Variants in MMS19 observed in about 807,000 individuals in gnomAD.
MMS19 encodes the protein MMS19 nucleotide excision repair protein homolog.
Under a neutral mutation model 129.8 loss-of-function variants are expected in MMS19, and 77 were observed. The ratio of observed to expected loss-of-function variants is 0.59; its 90% confidence interval spans 0.49 to 0.72. The LOEUF is 0.72. MMS19 is among the 30% of genes least tolerant of loss of function. The pLI is 0.00. For synonymous variants in MMS19, 491 were observed against 502.8 expected (o/e 0.98, Z 0.31); for missense variants, 1,168 against 1,266.3 (o/e 0.92, Z 1.18).
At chr10:97,464,172 G>T (rs771875945) in intron 18 of MMS19, among the ~76,000 whole-genome samples, 159 bp from the exon 19 acceptor site, 1 of 152,206 alleles carries the variant, frequency 6.6e-6, no homozygotes, top group Non-Finnish European at 1.5e-5. Flanking sequence ...TGTTCTTTCT[G>T]ATCTATTCAG....
chr10:97,484,227 T>C, intron 1 of MMS19, 76 bp from the exon 2 acceptor site: 13 of 1,028,584 alleles, frequency 1.3e-5, no homozygotes, highest in Non-Finnish European at 1.8e-5. Context: ...CTAATTATAA[T>C]GTTTCCTGCC....
At chr10:97,474,649 G>A (rs897994833) in intron 8 of MMS19, among the ~76,000 whole-genome samples, 1 of 152,186 alleles carries the variant, frequency 6.6e-6, no homozygotes, top group African/African-American at 2.4e-5. Context: ...AAAGCCAAGT[G>A]TCTCTGTTTT....
intron 5 of MMS19, 94 bp from the exon 6 acceptor site, chr10:97,477,510 T>C: frequency 6.6e-7 from 1 of 1,518,700 alleles, no homozygotes; most frequent in South Asian, 1.1e-5. Flanking sequence ...AAGTGAACAG[T>C]GCTCTTTATA....
At chr10:97,463,583 A>C (rs1466603190) in intron 19 of MMS19, among the ~76,000 whole-genome samples, 1 of 152,252 alleles carries the variant, frequency 6.6e-6, no homozygotes, top group Admixed American at 6.5e-5. Context: ...GCTTGACTCC[A>C]GAGTCCAATT....
chr10:97,459,274 C>T lies in MMS19; in HGVS notation c.2913G>A (p.Arg971=), dbSNP rs1009914668. 1.9e-6 allele frequency: 3 copies of T among 1,613,144 alleles called. No homozygotes were observed. In the African/African-American group the frequency reaches 4.0e-5, roughly 22 times the overall value. The change falls in exon 29 of 31, where the codon CGG becomes CGA. Residue 971 remains arginine, a synonymous_variant. Coordinates refer to ENST00000438925, the MANE Select transcript of MMS19 (RefSeq NM_022362.5). ...NLSSSPSMAV[R]IAALQCMHAL... ...CATGCATGCACTGCAGTGCGGCGATCCGGACAGCCTGGAACACAACCACAA... is the reference window on the plus strand; with the variant it reads ...CATGCATGCACTGCAGTGCGGCGATTCGGACAGCCTGGAACACAACCACAA...
At position 97,459,400 on chromosome 10, in the gene MMS19, C is replaced by T. The variant is rs1216937156; in HGVS notation, c.2866G>A (p.Val956Ile). Residue 956 changes from valine to isoleucine, a missense_variant, in exon 28 of 31, where the codon GTC becomes ATC. Physicochemically the swap from Val to Ile is conservative, Grantham distance 29. This residue lies in a region of MMS19 where 831 missense variants were observed against 910.8 expected (regional missense o/e 0.91). Coordinates refer to ENST00000438925, the MANE Select transcript of MMS19 (RefSeq NM_022362.5). ...GAGCTGAGGTTCAGAAACTTGGTGA[C>T]GAGGGTGTCCACGTGAAGACTCATG... ...QVMSLHVDTL[V>I]TKFLNLSSSP... 3.1e-6 allele frequency: 5 copies of T among 1,604,800 alleles called. No individual in the cohort carries two copies. The Admixed American group carries it at 5.2e-5, about 17-fold the overall frequency.
At chr10:97,497,127 C>G (rs1395257684) in intron 1 of MMS19, among the ~76,000 whole-genome samples, 2 of 152,196 alleles carry the variant, frequency 1.3e-5, no homozygotes, top group African/African-American at 2.4e-5. Context: ...CTTGATGCTT[C>G]CAAACTACGC....
In MMS19 at chr10:97,462,053, A is replaced by C. The variant is rs761769103; in HGVS notation, c.2079T>G (p.Pro693=). 6.3e-7 allele frequency: 1 copy of C among 1,593,638 alleles called. No individual in the cohort carries two copies. The highest frequency in any genetic ancestry group is 1.7e-4 in the Middle Eastern group (1 of 6,046). ...GGAATCTGCTCGGGAAGCTGTTTTC[A>C]GGCAGAAAGGACACGTTGCCATCCA... is the stretch of plus-strand genomic sequence containing the variant. The part of the protein sequence containing the change: ...LFLDGNVSFL[P]ENSFPSRFQP... The change falls in exon 21 of 31, where the codon CCT becomes CCG. Residue 693 remains proline, a synonymous_variant. Coordinates refer to ENST00000438925, the MANE Select transcript of MMS19 (RefSeq NM_022362.5).
Position 97,497,207 on chromosome 10 carries a change from C to T in MMS19, c.112+1066G>A, listed in dbSNP as rs2039963345. Among the ~76,000 whole-genome samples the T allele has an allele frequency of 3.3e-5, 5 of 152,276 alleles. No homozygotes were observed. In the South Asian group the frequency reaches 1.0e-3, roughly 32 times the overall value. On this transcript the variant is annotated intron_variant, in intron 1 of 30. Coordinates refer to ENST00000438925, the MANE Select transcript of MMS19 (RefSeq NM_022362.5). ...AAGTTCCTGGTGGGCACAGATCTAA[C>T]CTAATTTGTATTTATATTCCTATTG...
chr10:97,469,706 C>T lies in MMS19; in HGVS notation c.864G>A (p.Val288=), dbSNP rs771014850. The T allele has an allele frequency of 1.2e-6, 2 of 1,613,904 alleles. No individual in the cohort carries two copies. The highest frequency in any genetic ancestry group is 1.7e-6 in the Non-Finnish European group (2 of 1,179,844). ...AGTCCTTCAGTTCCTTCTGTCCATACACAGCACAGCAAGCATTCTGCCAAG... is the reference window on the plus strand; with the variant it reads ...AGTCCTTCAGTTCCTTCTGTCCATATACAGCACAGCAAGCATTCTGCCAAG... The part of the protein sequence containing the change: ...SLQTLNACCA[V]YGQKELKDFL... Residue 288 remains valine (V), a synonymous_variant, in exon 11 of 31, where the codon GTG becomes GTA. Transcript: ENST00000438925.
intron 21 of MMS19, 24 bp from the exon 22 acceptor site, chr10:97,461,920 C>G (rs750041340): frequency 6.3e-7 from 1 of 1,590,224 alleles, no homozygotes; most frequent in Admixed American, 1.8e-5. Flanking sequence ...AGAGCCCGAT[C>G]AAGCCTGCCA....
intron 20 of MMS19, 62 bp from the exon 21 acceptor site, chr10:97,462,181 C>T (rs1589573561): frequency 8.2e-7 from 1 of 1,213,766 alleles, no homozygotes; most frequent in Non-Finnish European, 1.2e-6. Context: ...CTCTCCTCCA[C>T]AGACGTGCTT....
intron 2 of MMS19, 48 bp from the exon 3 acceptor site, chr10:97,481,090 G>C: frequency 8.6e-7 from 1 of 1,161,640 alleles, no homozygotes; most frequent in Non-Finnish European, 1.3e-6. Context: ...CAGTTCAAAT[G>C]TTTGAAGAAA....
chr10:97,468,261 CTTGTGGAACTGTTCCAGCAGTAAAGGCAG>C lies in MMS19; in HGVS notation c.1180_1208del (p.Leu394AlafsTer12). On this transcript the variant is annotated frameshift_variant, in exon 13 of 31. Transcript: ENST00000438925. LOFTEE classifies it high-confidence loss of function. ...GATTCTGCTCCCTTACCTGACTGTGCTTGTGGAACTGTTCCAGCAGTAAAGGCAGTACATTGCTGGTGACAGAGTCACAG... is the reference window on the plus strand; with the variant it reads ...GATTCTGCTCCCTTACCTGACTGTGCTACATTGCTGGTGACAGAGTCACAG... 1 of 1,580,816 alleles carries C rather than the reference CTTGTGGAACTGTTCCAGCAGTAAAGGCAG, an allele frequency of 6.3e-7. No individual in the cohort carries two copies. Among genetic ancestry groups the C allele is most frequent in the Non-Finnish European group, 8.6e-7 (1 of 1,158,156 alleles).
Position 97,461,707 on chromosome 10 carries a change from C to G in MMS19, c.2185-85G>C. 9 of 1,549,490 alleles carry G rather than the reference C, an allele frequency of 5.8e-6. No individual in the cohort carries two copies. In the South Asian group the frequency reaches 5.9e-5, roughly 10 times the overall value. ...TACATAGTGGCAGCAGGGACCGGGA[C>G]GGATGAGAACTAACTTCTCTGGTGG... On this transcript the variant is annotated intron_variant, in intron 22 of 30. Transcript: ENST00000438925.
intron 8 of MMS19, 30 bp from the exon 9 acceptor site, chr10:97,470,891 TG>T: frequency 2.5e-6 from 4 of 1,605,134 alleles, no homozygotes; most frequent in Non-Finnish European, 3.4e-6. Flanking sequence ...TGTGGGTTTG[TG>T]TAACATTTCA....
rs971670131 is a variant in MMS19 at position 97,464,068 on chromosome 10, T to C, written c.1757-55A>G. 2.0e-6 allele frequency: 3 copies of C among 1,524,418 alleles called. No individual in the cohort carries two copies. In the African/African-American group the frequency reaches 4.1e-5, roughly 21 times the overall value. 94.4% of individuals were successfully genotyped at this position (1,524,418 alleles called of 1,614,324 possible). On this transcript the variant is annotated intron_variant, in intron 18 of 30. Transcript: ENST00000438925. ...TTTGCTTAAAAGCACTTTCAGGTGTTTCCAATTACACAGCAGATGAGAGGA... is the reference window on the plus strand; with the variant it reads ...TTTGCTTAAAAGCACTTTCAGGTGTCTCCAATTACACAGCAGATGAGAGGA...
At chr10:97,474,062 A>G (rs2035284768) in intron 8 of MMS19, among the ~76,000 whole-genome samples, 1 of 151,122 alleles carries the variant, frequency 6.6e-6, no homozygotes. Flanking sequence ...GAGGATCACC[A>G]GAGTACCAGA....
At chr10:97,472,322 C>T (rs2034891150) in intron 8 of MMS19, among the ~76,000 whole-genome samples, 1 of 152,202 alleles carries the variant, frequency 6.6e-6, no homozygotes, top group Admixed American at 6.5e-5. Flanking sequence ...TCACTGCAGC[C>T]TCTGCCTCCA....
Sources: gnomAD v4.1 joint callset for allele counts (sites outside exome capture counted in the v4.1 genomes callset) on GRCh38, gnomAD v4.1.1 for gene constraint, gnomAD v4.1.1 regional missense constraint, MANE v1.5 for transcripts, NCBI Gene and HGNC (gene_info 2026-07-23, HGNC 2026-07-21) for gene names.